AKAP6: variants seen among roughly 807,000 people sequenced by gnomAD.
AKAP6 encodes the protein A-kinase anchoring protein 6, also known as A-kinase anchor protein 6.
A neutral mutation model predicts 188.5 loss-of-function variants in AKAP6; 58 were observed. The ratio of observed to expected loss-of-function variants is 0.31; its 90% CI spans 0.25 to 0.38. AKAP6 has a LOEUF of 0.38. AKAP6 is among the 10% of genes least tolerant of loss of function. AKAP6 has a pLI of 1.00. For synonymous variants in AKAP6, 989 were observed against 998.6 expected, an observed-to-expected ratio of 0.99 and a Z score of 0.18; for missense variants, 2,710 against 2,740.0, an observed-to-expected ratio of 0.99 and a Z score of 0.24.
intron 9 of AKAP6, among the ~76,000 whole-genome samples, chr14:32,700,258 A>G (rs1890568623): frequency 6.6e-6 from 1 of 152,194 alleles, no homozygotes; most frequent in Non-Finnish European, 1.5e-5. Flanking sequence ...AAGGACTGCC[A>G]GTTCGCTGCT....
intron 2 of AKAP6, among the ~76,000 whole-genome samples, chr14:32,521,360 T>G (rs1881820573): frequency 6.6e-6 from 1 of 151,964 alleles, no homozygotes. Flanking sequence ...GAGAAAGAAA[T>G]AAAGGGTATT....
At chr14:32,693,399 A>G (rs1165756691) in intron 8 of AKAP6, 4 of 152,234 alleles carry the variant, frequency 2.6e-5, no homozygotes. Flanking sequence ...CAAGTTCACC[A>G]GCTGACCTCT....
At chr14:32,366,844 T>C (rs1484394451) in intron 1 of AKAP6, among the ~76,000 whole-genome samples, 1 of 152,142 alleles carries the variant, frequency 6.6e-6, no homozygotes, top group Non-Finnish European at 1.5e-5. Context: ...ATCTCAGACT[T>C]GTCCCCCTCA....
chr14:32,413,435 G>A (rs10149930), intron 1 of AKAP6, among the ~76,000 whole-genome samples: 32,895 of 151,932 alleles, frequency 0.22, 4,275 homozygotes, highest in East Asian at 0.69. Context: ...TCCTGCCTTT[G>A]TCTTCCAAAG....
At chr14:32,386,347 C>A (rs1888537266) in intron 1 of AKAP6, among the ~76,000 whole-genome samples, 1 of 152,092 alleles carries the variant, frequency 6.6e-6, no homozygotes, top group Admixed American at 6.6e-5. Flanking sequence ...TTGCATTTCC[C>A]TGATCATTAG....
intron 2 of AKAP6, among the ~76,000 whole-genome samples, chr14:32,435,756 G>A (rs1028988566): frequency 3.3e-5 from 5 of 152,140 alleles, no homozygotes; most frequent in Admixed American, 3.3e-4. Context: ...CGGGGTACTA[G>A]TTTCATTAGG....
At chr14:32,559,520 T>C (rs1883838573) in intron 4 of AKAP6, among the ~76,000 whole-genome samples, 1 of 152,206 alleles carries the variant, frequency 6.6e-6, no homozygotes, top group South Asian at 2.1e-4. Context: ...TTTGCGAAGA[T>C]GGGAAACTAC....
At chr14:32,336,110 C>CATGTCACA (rs1207083009) in intron 1 of AKAP6, among the ~76,000 whole-genome samples, 1 of 152,056 alleles carries the variant, frequency 6.6e-6, no homozygotes, top group Non-Finnish European at 1.5e-5. Context: ...TCCCACCCAT[C>CATGTCACA]ATGTCACAGT....
chr14:32,811,210 G>GCC (rs1320111114), intron 12 of AKAP6, among the ~76,000 whole-genome samples: 1 of 118,092 alleles, frequency 8.5e-6, no homozygotes, highest in Admixed American at 8.6e-5. Flanking sequence ...CTGCACTCCA[G>GCC]CCTGGGTGAC....
At chr14:32,800,091 A>T (rs1009326415) in intron 12 of AKAP6, among the ~76,000 whole-genome samples, 3 of 145,598 alleles carry the variant, frequency 2.1e-5, no homozygotes, top group African/African-American at 5.0e-5. Flanking sequence ...ATATATACAA[A>T]ATATATATAT....
chr14:32,585,703 A>C (rs995466388), intron 5 of AKAP6, among the ~76,000 whole-genome samples: 6 of 152,236 alleles, frequency 3.9e-5, no homozygotes, highest in Non-Finnish European at 8.8e-5. Flanking sequence ...TAAGCAAAGT[A>C]TTCTTAGGAG....
chr14:32,769,037 A>ATTTTTT lies in AKAP6; in HGVS notation c.3373-4619_3373-4614dup, dbSNP rs544997334. ...ACTAGGGGATGCAGCTGCTCTTTTGATTTTTTTTTTTTTTTTTTTTTTTTT... is the reference window on the plus strand; with the variant it reads ...ACTAGGGGATGCAGCTGCTCTTTTGATTTTTTTTTTTTTTTTTTTTTTTTTTTTTTT... On this transcript the variant is annotated intron_variant, in intron 11 of 13. Coordinates refer to ENST00000280979, the MANE Select transcript of AKAP6 (RefSeq NM_004274.5). Among the ~76,000 whole-genome samples, 478 of 56,874 alleles carry ATTTTTT rather than the reference A, an allele frequency of 8.4e-3. 124 individuals are homozygous for ATTTTTT. Among genetic ancestry groups the ATTTTTT allele is most frequent in the African/African-American group, 0.017 (242 of 14,034 alleles). The allele number at this position is 56,874 out of a possible 152,430, so 37.3% of individuals were successfully genotyped here.
intron 9 of AKAP6, among the ~76,000 whole-genome samples, chr14:32,729,355 A>G (rs2031057656): frequency 6.6e-6 from 1 of 152,084 alleles, no homozygotes; most frequent in African/African-American, 2.4e-5. Flanking sequence ...TCAAGTCTTC[A>G]TGCATTTCTA....
chr14:32,624,315 A>G (rs17099366), intron 7 of AKAP6, among the ~76,000 whole-genome samples: 5,038 of 152,262 alleles, frequency 0.033, 275 homozygotes, highest in African/African-American at 0.11. Flanking sequence ...CTTAAAACAT[A>G]TGACATTTCT....
rs71115092 is a variant in AKAP6 at position 32,687,400 on chromosome 14, ATCTCTCTCTCTCTCTCTCTC to A, written c.2880-8568_2880-8549del. On this transcript the variant is annotated intron_variant, in intron 8 of 13. Transcript: ENST00000280979. ...ATATTCATGCTCTGTCATACTAACTATCTCTCTCTCTCTCTCTCTCTCTCTCTCTCTCTCTCTCTCTTTCT... is the reference window on the plus strand; with the variant it reads ...ATATTCATGCTCTGTCATACTAACTATCTCTCTCTCTCTCTCTCTCTTTCT... Among the ~76,000 whole-genome samples, 5 of 129,006 alleles carry A rather than the reference ATCTCTCTCTCTCTCTCTCTC, an allele frequency of 3.9e-5. No homozygotes were observed. In the East Asian group the frequency reaches 6.8e-4, roughly 18 times the overall value. The allele number at this position is 129,006 out of a possible 152,430, so 84.6% of individuals were successfully genotyped here. A position where few individuals can be genotyped will look rare whatever the true frequency, so the allele number is the denominator to read the frequency against.
intron 7 of AKAP6, among the ~76,000 whole-genome samples, chr14:32,665,275 C>T (rs546350665): frequency 3.9e-5 from 6 of 152,216 alleles, no homozygotes; most frequent in East Asian, 1.9e-4. Flanking sequence ...GTCGAAAGTT[C>T]GGCCCTCCAG....
At chr14:32,563,563 C>A (rs150862809) in intron 4 of AKAP6, among the ~76,000 whole-genome samples, 23 of 152,290 alleles carry the variant, frequency 1.5e-4, no homozygotes, top group South Asian at 1.0e-3. Flanking sequence ...AATGCCACCA[C>A]CTTGTTTTTT....
chr14:32,609,452 C>A (rs1021767837), intron 7 of AKAP6, among the ~76,000 whole-genome samples: 12 of 152,144 alleles, frequency 7.9e-5, no homozygotes, highest in Non-Finnish European at 1.6e-4. Flanking sequence ...GAAACATTAA[C>A]TAGATTGGAG....
rs1957654 is a variant in AKAP6 at position 32,373,938 on chromosome 14, C to T, written c.-35+44530C>T. ...AAGACAGATTTGAAATGTATGTAAC[C>T]CATTTGGATTAAATACAACAGCTGA... On this transcript the variant is annotated intron_variant, in intron 1 of 13. Coordinates refer to ENST00000280979, the MANE Select transcript of AKAP6 (RefSeq NM_004274.5). Among the ~76,000 whole-genome samples, 757 of 152,146 alleles carry T rather than the reference C, an allele frequency of 5.0e-3. 6 individuals are homozygous for T. The highest frequency in any genetic ancestry group is 0.017 in the African/African-American group (704 of 41,484).
Sources: gnomAD v4.1 joint callset for allele counts (sites outside exome capture counted in the v4.1 genomes callset) on GRCh38, gnomAD v4.1.1 for gene constraint, MANE v1.5 for transcripts, NCBI Gene and HGNC (gene_info 2026-07-23, HGNC 2026-07-21) for gene names.